Variants in LRRC8D observed in about 807,000 individuals in gnomAD.
The protein encoded by LRRC8D is volume-regulated anion channel subunit LRRC8D.
LRRC8D carries 20 observed loss-of-function variants against 55.8 expected under a neutral mutation model. That is an observed-to-expected ratio of 0.36 (90% CI 0.25 to 0.52). The LOEUF is 0.52. Ranked by LOEUF, LRRC8D falls within the 20% of genes least tolerant of loss-of-function variation. The pLI is 0.93. For synonymous variants in LRRC8D, 352 were observed against 377.0 expected (o/e 0.93, Z 0.77); for missense variants, 651 against 1,030.8 (o/e 0.63, Z 5.05).
intron 2 of LRRC8D, among the ~76,000 whole-genome samples, chr1:89,887,173 G>A (rs1011010588): frequency 2.6e-5 from 4 of 152,174 alleles, no homozygotes; most frequent in East Asian, 1.9e-4. Flanking sequence ...ACAAAGAGCC[G>A]ATTTATCTGA....
intron 2 of LRRC8D, among the ~76,000 whole-genome samples, chr1:89,855,506 G>A (rs1293843335): frequency 6.6e-6 from 1 of 152,172 alleles, no homozygotes; most frequent in African/African-American, 2.4e-5. Context: ...TGCTCATGCC[G>A]ATTTGAGAGA....
intron 2 of LRRC8D, among the ~76,000 whole-genome samples, chr1:89,904,987 G>C (rs1012446056): frequency 7.9e-6 from 1 of 125,802 alleles, no homozygotes; most frequent in Non-Finnish European, 2.0e-5. Context: ...TTTTTACATG[G>C]AAGTACTTGA....
intron 1 of LRRC8D, among the ~76,000 whole-genome samples, chr1:89,838,033 A>G (rs1341452882): frequency 2.0e-5 from 3 of 152,028 alleles, no homozygotes; most frequent in Non-Finnish European, 4.4e-5. Flanking sequence ...ACCCTTTTAC[A>G]TTGTTGGGCT....
intron 2 of LRRC8D, among the ~76,000 whole-genome samples, chr1:89,876,409 C>T (rs1294233115): frequency 1.3e-5 from 2 of 152,156 alleles, no homozygotes; most frequent in Non-Finnish European, 2.9e-5. Context: ...CCAAAAATCT[C>T]TATTTTAAGC....
At position 89,898,167 on chromosome 1, in the gene LRRC8D, TTGG is replaced by T. The variant is rs144766197; in HGVS notation, c.-2-34898_-2-34896del. ...TTGAATACGAGCCAGTAAGCAGTCA[TTGG>T]TATACTGCAGTTATTGTACCAGAGT... On this transcript the variant is annotated intron_variant, in intron 2 of 2. Transcript: ENST00000337338. Among the ~76,000 whole-genome samples the T allele has an allele frequency of 7.6e-3, 1,153 of 152,282 alleles. 8 individuals carry two copies. Among genetic ancestry groups the T allele is most frequent in the African/African-American group, 0.027 (1,109 of 41,542 alleles).
At chr1:89,917,194 G>C (rs1663294839) in intron 2 of LRRC8D, among the ~76,000 whole-genome samples, 1 of 152,016 alleles carries the variant, frequency 6.6e-6, no homozygotes, top group Admixed American at 6.6e-5. Flanking sequence ...CAAACTATTT[G>C]CCCTAATTAG....
intron 2 of LRRC8D, among the ~76,000 whole-genome samples, chr1:89,888,266 A>G (rs1374286071): frequency 1.3e-5 from 2 of 152,220 alleles, no homozygotes; most frequent in Middle Eastern, 3.2e-3. Context: ...ATGAGGATAT[A>G]AGTTAATGAT....
At chr1:89,858,063 TA>T (rs1661602195) in intron 2 of LRRC8D, among the ~76,000 whole-genome samples, 1 of 152,114 alleles carries the variant, frequency 6.6e-6, no homozygotes, top group Admixed American at 6.5e-5. Context: ...ACCCCGTCTC[TA>T]CTAAAAATAC....
In LRRC8D at chr1:89,851,800, G is replaced by A. The variant is rs572334323; in HGVS notation, c.-3+8018G>A. ...GCTAGGATTACAGGCATGAGCCACCGCGACCGGCACCACCTTGGTTTTTAA... is the reference window on the plus strand; with the variant it reads ...GCTAGGATTACAGGCATGAGCCACCACGACCGGCACCACCTTGGTTTTTAA... On this transcript the variant is annotated intron_variant, in intron 2 of 2. Coordinates refer to ENST00000337338, the MANE Select transcript of LRRC8D (RefSeq NM_001134479.2). Among the ~76,000 whole-genome samples the A allele has an allele frequency of 1.1e-4, 16 of 152,176 alleles. No individual in the cohort carries two copies. The East Asian group carries it at 1.5e-3, about 15-fold the overall frequency.
chr1:89,879,840 G>A (rs577559383), intron 2 of LRRC8D, among the ~76,000 whole-genome samples: 2 of 152,016 alleles, frequency 1.3e-5, no homozygotes, highest in South Asian at 4.2e-4. Flanking sequence ...TAAATATGGT[G>A]CTGCTTTTGC....
intron 1 of LRRC8D, among the ~76,000 whole-genome samples, chr1:89,828,385 A>C (rs1287058119): frequency 2.0e-5 from 3 of 152,202 alleles, no homozygotes; most frequent in African/African-American, 7.2e-5. Context: ...AAATGAGAAG[A>C]GTGAAGACAA....
chr1:89,831,256 T>C (rs548342759), intron 1 of LRRC8D, among the ~76,000 whole-genome samples: 35 of 152,306 alleles, frequency 2.3e-4, no homozygotes, highest in Middle Eastern at 3.4e-3. Context: ...TGAAACTTGA[T>C]TTCATCCTTT....
chr1:89,892,139 C>T (rs1369015367), intron 2 of LRRC8D, among the ~76,000 whole-genome samples: 1 of 152,198 alleles, frequency 6.6e-6, no homozygotes, highest in Non-Finnish European at 1.5e-5. Flanking sequence ...CATATGTTTG[C>T]CCCATATGAA....
At chr1:89,880,420 A>G (rs1047320690) in intron 2 of LRRC8D, among the ~76,000 whole-genome samples, 4 of 151,350 alleles carry the variant, frequency 2.6e-5, no homozygotes, top group Non-Finnish European at 5.9e-5. Context: ...TAGGTTGGAC[A>G]TTTGTCATAA....
chr1:89,913,781 T>C (rs1243631171), intron 2 of LRRC8D, among the ~76,000 whole-genome samples: 1 of 152,246 alleles, frequency 6.6e-6, no homozygotes, highest in Non-Finnish European at 1.5e-5. Flanking sequence ...CTTGTATTCC[T>C]CACTCTCAAA....
chr1:89,869,709 G>GA (rs1661946752), intron 2 of LRRC8D, among the ~76,000 whole-genome samples: 1 of 152,204 alleles, frequency 6.6e-6, no homozygotes, highest in Non-Finnish European at 1.5e-5. Flanking sequence ...CAACCAGAGA[G>GA]AAAGGTCGGG....
intron 2 of LRRC8D, among the ~76,000 whole-genome samples, chr1:89,891,265 G>T (rs1368050178): frequency 6.6e-6 from 1 of 152,102 alleles, no homozygotes; most frequent in Non-Finnish European, 1.5e-5. Flanking sequence ...GGGTTTTCTG[G>T]TATTTTCTCA....
At chr1:89,852,905 C>G (rs1661456675) in intron 2 of LRRC8D, among the ~76,000 whole-genome samples, 2 of 152,174 alleles carry the variant, frequency 1.3e-5, no homozygotes, top group Non-Finnish European at 1.5e-5. Context: ...GGCTTGGGTT[C>G]TTGGTCAAAC....
intron 2 of LRRC8D, among the ~76,000 whole-genome samples, chr1:89,855,066 T>C (rs2100777059): frequency 6.6e-6 from 1 of 152,320 alleles, no homozygotes; most frequent in Admixed American, 6.5e-5. Context: ...TCTCTCTCTC[T>C]CTCTCTGGTT....
Sources: gnomAD v4.1 joint callset for allele counts (sites outside exome capture counted in the v4.1 genomes callset) on GRCh38, gnomAD v4.1.1 for gene constraint, MANE v1.5 for transcripts, NCBI Gene and HGNC (gene_info 2026-07-23, HGNC 2026-07-21) for gene names.